SLC35B2: variants seen among roughly 807,000 people sequenced by gnomAD.
SLC35B2 encodes adenosine 3'-phospho 5'-phosphosulfate transporter 1.
In SLC35B2, 19 loss-of-function variants were observed where a neutral mutation model predicts 37.9. That is an observed-to-expected ratio of 0.50 (90% CI 0.35 to 0.74). The LOEUF is 0.74. SLC35B2 is among the 30% of genes least tolerant of loss of function. The probability of loss-of-function intolerance (pLI) is 0.01; values close to 1 mark genes in which losing one functional copy is unlikely to be tolerated. For synonymous variants in SLC35B2, 277 were observed against 225.2 expected, an observed-to-expected ratio of 1.23 and a Z score of -2.06; for missense variants, 633 against 547.6, an observed-to-expected ratio of 1.16 and a Z score of -1.56.
In SLC35B2 at chr6:44,254,719, A is replaced by G. The variant is rs1390456118; in HGVS notation, c.1286T>C (p.Val429Ala). 2.6e-5 allele frequency: 42 copies of G among 1,611,914 alleles called. No individual in the cohort carries two copies. Among genetic ancestry groups the G allele is most frequent in the Non-Finnish European group, 3.6e-5 (42 of 1,178,440 alleles). The change falls in exon 4 of 4, where the codon GTG becomes GCG. Residue 429 changes from valine to alanine, a missense_variant. Coordinates refer to ENST00000393812, the MANE Select transcript of SLC35B2 (RefSeq NM_178148.4). ...GKKAVPVESP[V>A]QKV ...CCCTTTCCACCCTCAAACCTTCTGCACAGGAGACTCAACAGGCACAGCCTT... is the reference window on the plus strand; with the variant it reads ...CCCTTTCCACCCTCAAACCTTCTGCGCAGGAGACTCAACAGGCACAGCCTT...
chr6:44,256,443 T>TA lies in SLC35B2; in HGVS notation c.258_259insT (p.Lys87Ter), dbSNP rs1323280724. On this transcript the variant is annotated frameshift_variant, in exon 3 of 4. Coordinates refer to ENST00000393812, the MANE Select transcript of SLC35B2 (RefSeq NM_178148.4). LOFTEE classifies it high-confidence loss of function. Reference sequence around the variant, plus strand: ...GCCAGGGGAACCTCATCAGAGGCCTTGGGCTCATTGCCAAACACACAAGCT... The same window carrying TA: ...GCCAGGGGAACCTCATCAGAGGCCTTAGGGCTCATTGCCAAACACACAAGCT... The TA allele has an allele frequency of 6.2e-7, 1 of 1,614,056 alleles. No individual in the cohort carries two copies. The highest frequency in any genetic ancestry group is 1.3e-5 in the African/African-American group (1 of 74,912).
chr6:44,256,646 TC>T, intron 2 of SLC35B2, 38 bp downstream of exon 2: 3 of 1,612,956 alleles, frequency 1.9e-6, no homozygotes, highest in Non-Finnish European at 2.5e-6. Context: ...ATACCCTCTT[TC>T]CCGACCTAGC....
chr6:44,255,517 G>T lies in SLC35B2; in HGVS notation c.488C>A (p.Ala163Glu). ...QFLVLMNRVLALIVAGLSCVL... is the reference protein window; with the variant it reads ...QFLVLMNRVLELIVAGLSCVL... Reference sequence around the variant, plus strand: ...ACAGGAGAGGCCAGCCACAATCAGTGCCAGCACTCGGTTCATTAGCACCAG... The same window carrying T: ...ACAGGAGAGGCCAGCCACAATCAGTTCCAGCACTCGGTTCATTAGCACCAG... The change falls in exon 4 of 4, where the codon GCA becomes GAA. Residue 163 changes from alanine (A) to glutamate (E), a missense_variant. Physicochemically the swap from Ala to Glu is moderately radical, Grantham distance 107. Coordinates refer to ENST00000393812, the MANE Select transcript of SLC35B2 (RefSeq NM_178148.4). The T allele has an allele frequency of 1.9e-6, 3 of 1,614,188 alleles. No homozygotes were observed. The highest frequency in any genetic ancestry group is 2.5e-6 in the Non-Finnish European group (3 of 1,180,036).
intron 1 of SLC35B2, 145 bp downstream of exon 1, chr6:44,257,255 A>C (rs1781649934): frequency 2.1e-6 from 2 of 941,840 alleles, no homozygotes; most frequent in Non-Finnish European, 2.8e-6. Flanking sequence ...ACCAAGCCGC[A>C]GCTCCCATCC....
Position 44,256,412 on chromosome 6 carries a change from C to T in SLC35B2, c.290G>A (p.Arg97Gln), listed in dbSNP as rs772679565. 4 of 1,614,204 alleles carry T rather than the reference C, an allele frequency of 2.5e-6. No homozygotes were observed. In the Admixed American group the frequency reaches 5.0e-5, roughly 20 times the overall value. The part of the protein sequence containing the change: ...KASDEVPLAP[R>Q]TEAAETTPMW... ...CGGGGTGGTCTCTGCCGCCTCTGTT[C>T]GGGGCGCCAGGGGAACCTCATCAGA... The change falls in exon 3 of 4, where the codon CGA becomes CAA. Residue 97 changes from arginine (R) to glutamine (Q), a missense_variant. Arg to Gln is a conservative substitution (Grantham distance 43, BLOSUM62 1). Transcript: ENST00000393812.
Position 44,256,869 on chromosome 6 carries a change from T to C in SLC35B2, c.21A>G (p.Ala7=), listed in dbSNP as rs572538193. 6.2e-7 allele frequency: 1 copy of C among 1,607,674 alleles called. No homozygotes were observed. Among genetic ancestry groups the C allele is most frequent in the South Asian group, 1.1e-5 (1 of 90,896 alleles). MDARWW[A]VVVLAAFPSL... Reference sequence around the variant, plus strand: ...AGGGGAACGCAGCCAGCACCACCACTGCCCACCATCTGTAAGGAAAGCGGA... The same window carrying C: ...AGGGGAACGCAGCCAGCACCACCACCGCCCACCATCTGTAAGGAAAGCGGA... The change falls in exon 2 of 4, where the codon GCA becomes GCG. Residue 7 remains alanine, a synonymous_variant. Transcript: ENST00000393812.
chr6:44,256,983 T>C, intron 1 of SLC35B2, 105 bp from the exon 2 acceptor site: 1 of 1,199,552 alleles, frequency 8.3e-7, no homozygotes. Context: ...CCCCGCCCCC[T>C]CCGCTGCAGC....
rs1781145533 is a variant in SLC35B2, at chr6:44,254,462, A to G, written c.*244T>C. 2 of 509,126 alleles carry G rather than the reference A, an allele frequency of 3.9e-6. No individual in the cohort carries two copies. Among genetic ancestry groups the G allele is most frequent in the Non-Finnish European group, 3.5e-6 (1 of 287,284 alleles). 31.5% of individuals were successfully genotyped at this position (509,126 alleles called of 1,614,324 possible). ...ATGCTCTCTTGACCCCAAACTCCCC[A>G]AAACCCCTCACTGAGGACTGTCTAC... On this transcript the variant is annotated 3_prime_UTR_variant, in exon 4 of 4. Coordinates refer to ENST00000393812, the MANE Select transcript of SLC35B2 (RefSeq NM_178148.4).
chr6:44,254,589 T>G lies in SLC35B2; in HGVS notation c.*117A>C. On this transcript the variant is annotated 3_prime_UTR_variant, in exon 4 of 4. Transcript: ENST00000393812. Reference sequence around the variant, plus strand: ...CCAATCCCCTGCTGCAGAGCTGGTCTGTGATACTGAGAAAACACCTGCATT... The same window carrying G: ...CCAATCCCCTGCTGCAGAGCTGGTCGGTGATACTGAGAAAACACCTGCATT... The G allele has an allele frequency of 8.4e-7, 1 of 1,186,842 alleles. No homozygotes were observed. The highest frequency in any genetic ancestry group is 1.5e-5 in the South Asian group (1 of 67,262). The allele number at this position is 1,186,842 out of a possible 1,614,324, so 73.5% of individuals were successfully genotyped here. A position where few individuals can be genotyped will look rare whatever the true frequency, so the allele number is the denominator to read the frequency against.
intron 3 of SLC35B2, among the ~76,000 whole-genome samples, 200 bp from the exon 4 acceptor site, chr6:44,255,844 T>C (rs912330708): frequency 4.6e-5 from 7 of 152,148 alleles, no homozygotes; most frequent in African/African-American, 1.2e-4. Flanking sequence ...GAAAAACCTA[T>C]TCAGGGAGGC....
chr6:44,255,619 A>G lies in SLC35B2; in HGVS notation c.386T>C (p.Leu129Pro), dbSNP rs753927763. The G allele has an allele frequency of 6.8e-6, 11 of 1,613,840 alleles. No individual in the cohort carries two copies. The highest frequency in any genetic ancestry group is 9.3e-6 in the Non-Finnish European group (11 of 1,179,948). The change falls in exon 4 of 4, where the codon CTG (leucine) becomes CCG (proline). Residue 129 changes from leucine (L) to proline (P), a missense_variant. Coordinates refer to ENST00000393812, the MANE Select transcript of SLC35B2 (RefSeq NM_178148.4). ...LQVSYLTWGV[L>P]QERVMTRSYG... is the part of the protein sequence containing the mutation. ...GCTGCGGGTCATCACTCTTTCCTGC[A>G]GCACACCCCAAGTCAGATAAGACAC...
At position 44,254,967 on chromosome 6, in the gene SLC35B2, G is replaced by A; in HGVS notation, c.1038C>T (p.Ile346=). ...EFAAHALLLS[I]CSACGQLFIF... ...TGAAGAGCTGGCCACATGCGGAGCA[G>A]ATGGAGAGTAGCAGGGCATGGGCAG... is the stretch of plus-strand genomic sequence containing the variant. Residue 346 remains isoleucine, a synonymous_variant, in exon 4 of 4, where the codon ATC becomes ATT. Coordinates refer to ENST00000393812, the MANE Select transcript of SLC35B2 (RefSeq NM_178148.4). The A allele has an allele frequency of 1.2e-6, 2 of 1,614,240 alleles. No homozygotes were observed. The highest frequency in any genetic ancestry group is 1.1e-5 in the South Asian group (1 of 91,080).
chr6:44,256,453 G>GC lies in SLC35B2; in HGVS notation c.248dup (p.Asn84GlnfsTer2), dbSNP rs761001313. On this transcript the variant is annotated frameshift_variant, in exon 3 of 4. Coordinates refer to ENST00000393812, the MANE Select transcript of SLC35B2 (RefSeq NM_178148.4). LOFTEE classifies it high-confidence loss of function. ...CCTCATCAGAGGCCTTGGGCTCATTGCCAAACACACAAGCTTTCACCAGGG... is the reference window on the plus strand; with the variant it reads ...CCTCATCAGAGGCCTTGGGCTCATTGCCCAAACACACAAGCTTTCACCAGGG... The GC allele has an allele frequency of 1.9e-6, 3 of 1,614,070 alleles. No homozygotes were observed. In the African/African-American group the frequency reaches 4.0e-5, roughly 22 times the overall value.
chr6:44,254,932 G>A lies in SLC35B2; in HGVS notation c.1073C>T (p.Thr358Ile). The change falls in exon 4 of 4, where the codon ACC (threonine) becomes ATC (isoleucine). Residue 358 changes from threonine (T) to isoleucine (I), a missense_variant. Thr to Ile is a moderately conservative substitution (Grantham distance 89). Coordinates refer to ENST00000393812, the MANE Select transcript of SLC35B2 (RefSeq NM_178148.4). ...GACGGCAGCCCCAAACTGCCCAATG[G>A]TGTAAAAGATGAAGAGCTGGCCACA... ...SACGQLFIFYTIGQFGAAVFT... is the reference protein window; with the variant it reads ...SACGQLFIFYIIGQFGAAVFT... 6.2e-7 allele frequency: 1 copy of A among 1,614,214 alleles called. No individual in the cohort carries two copies. Among genetic ancestry groups the A allele is most frequent in the Non-Finnish European group, 8.5e-7 (1 of 1,180,032 alleles).
chr6:44,256,944 C>T (rs1247349550), intron 1 of SLC35B2, 66 bp from the exon 2 acceptor site: 16 of 1,499,634 alleles, frequency 1.1e-5, no homozygotes, highest in Non-Finnish European at 1.4e-5. Flanking sequence ...CCAGAGGGGA[C>T]CACACTGGAG....
Position 44,254,421 on chromosome 6 carries a change from T to C in SLC35B2, c.*285A>G. On this transcript the variant is annotated 3_prime_UTR_variant, in exon 4 of 4. Transcript: ENST00000393812. ...GACTTAAGGGAACTTGTGGGAAGAGTAACTGGAACCTACCTATGCTCTCTT... is the reference window on the plus strand; with the variant it reads ...GACTTAAGGGAACTTGTGGGAAGAGCAACTGGAACCTACCTATGCTCTCTT... 1 of 274,988 alleles carries C rather than the reference T, an allele frequency of 3.6e-6. No homozygotes were observed. The highest frequency in any genetic ancestry group is 4.2e-5 in the African/African-American group (1 of 23,556). 17.0% of individuals were successfully genotyped at this position (274,988 alleles called of 1,614,324 possible).
chr6:44,255,063 T>G lies in SLC35B2; in HGVS notation c.942A>C (p.Thr314=). 1 of 1,614,204 alleles carries G rather than the reference T, an allele frequency of 6.2e-7. No individual in the cohort carries two copies. Among genetic ancestry groups the G allele is most frequent in the African/African-American group, 1.3e-5 (1 of 75,026 alleles). Residue 314 remains threonine (T), a synonymous_variant, in exon 4 of 4, where the codon ACA becomes ACC. Transcript: ENST00000393812. ...CCCCCTGTTCTAGCAGTGAGCCCACTGTGAAGAGGCAGGAGAAGAAATTGA... is the reference window on the plus strand; with the variant it reads ...CCCCCTGTTCTAGCAGTGAGCCCACGGTGAAGAGGCAGGAGAAGAAATTGA... ...FGVNFFSCLF[T]VGSLLEQGAL...
At position 44,255,354 on chromosome 6, in the gene SLC35B2, G is replaced by A. The variant is rs763894101; in HGVS notation, c.651C>T (p.Ala217=). ...TCAGCATGACAGGGATCACCTTAGA[G>A]GCCTTGGCCAGCACCTGGGTGGGGA... ...VSFPTQVLAK[A]SKVIPVMLMG... is the part of the protein sequence containing the mutation. The change falls in exon 4 of 4, where the codon GCC becomes GCT. Residue 217 remains alanine (A), a synonymous_variant. Transcript: ENST00000393812. The A allele has an allele frequency of 1.2e-6, 2 of 1,614,262 alleles. No individual in the cohort carries two copies. The highest frequency in any genetic ancestry group is 1.1e-5 in the South Asian group (1 of 91,090).
At chr6:44,257,140 G>A (rs1781628235) in intron 1 of SLC35B2, 2 of 523,018 alleles carry the variant, frequency 3.8e-6, no homozygotes, top group African/African-American at 2.0e-5. Flanking sequence ...AACGCTAGCC[G>A]GCTGCTCAGG....
Sources: gnomAD v4.1 joint callset for allele counts (sites outside exome capture counted in the v4.1 genomes callset) on GRCh38, gnomAD v4.1.1 for gene constraint, MANE v1.5 for transcripts, NCBI Gene and HGNC (gene_info 2026-07-23, HGNC 2026-07-21) for gene names.